The following SHISA6 variants were observed in gnomAD, a reference collection of about 807,000 sequenced individuals.
SHISA6 encodes the protein protein shisa-6.
SHISA6 carries 22 observed loss-of-function variants against 47.9 expected under a neutral mutation model. The ratio of observed to expected loss-of-function variants is 0.46; its 90% CI spans 0.33 to 0.66. The LOEUF is 0.66. Among genes scored for constraint, SHISA6 ranks in the 30% least tolerant of loss-of-function variants. SHISA6 has a pLI of 0.02. For missense variants in SHISA6, 680 were observed against 764.6 expected (o/e 0.89, Z 1.30); for synonymous variants, 388 against 337.8 (o/e 1.15, Z -1.63).
Position 11,557,875 on chromosome 17 carries a change from AC to A in SHISA6, c.1231del (p.Arg411AlafsTer82). The A allele has an allele frequency of 6.4e-7, 1 of 1,550,412 alleles. No individual in the cohort carries two copies. On this transcript the variant is annotated frameshift_variant, in exon 6 of 6. Coordinates refer to ENST00000441885, the MANE Select transcript of SHISA6 (RefSeq NM_207386.4). LOFTEE classifies it high-confidence loss of function. ...SQQKPLPRER[P>X]RRPIRAMSQD... ...AACAGAAGCCGTTGCCAAGGGAACG[AC>A]CCCGCCGGCCCATCCGGGCCATGTC...
At chr17:11,281,688 C>T (rs997114272) in intron 2 of SHISA6, among the ~76,000 whole-genome samples, 7 of 152,108 alleles carry the variant, frequency 4.6e-5, no homozygotes, top group African/African-American at 1.7e-4. Flanking sequence ...TTTTTTCTCT[C>T]AATTTTGTGG....
At chr17:11,290,967 A>G (rs934647297) in intron 2 of SHISA6, among the ~76,000 whole-genome samples, 1 of 151,602 alleles carries the variant, frequency 6.6e-6, no homozygotes, top group African/African-American at 2.4e-5. Context: ...GCTAGGTTCC[A>G]TTTATTATTA....
At chr17:11,495,421 C>G (rs1006724907) in intron 3 of SHISA6, among the ~76,000 whole-genome samples, 1 of 152,190 alleles carries the variant, frequency 6.6e-6, no homozygotes, top group Non-Finnish European at 1.5e-5. Flanking sequence ...ACTGGGGACA[C>G]TGGACAGGTG....
intron 3 of SHISA6, among the ~76,000 whole-genome samples, chr17:11,521,677 C>T (rs922359698): frequency 2.0e-5 from 3 of 152,052 alleles, no homozygotes; most frequent in Non-Finnish European, 4.4e-5. Flanking sequence ...ATGGCACGCA[C>T]CTGTAGTCCC....
At chr17:11,383,233 CA>C (rs1913080868) in intron 3 of SHISA6, among the ~76,000 whole-genome samples, 1 of 152,116 alleles carries the variant, frequency 6.6e-6, no homozygotes, top group African/African-American at 2.4e-5. Flanking sequence ...CCACCATGCC[CA>C]GCCCTGTCAG....
chr17:11,274,204 A>C (rs138736195), intron 2 of SHISA6, among the ~76,000 whole-genome samples: 221 of 152,244 alleles, frequency 1.5e-3, no homozygotes, highest in African/African-American at 4.9e-3. Flanking sequence ...GAGAGAGCCT[A>C]CTTTCCCCAC....
intron 1 of SHISA6, among the ~76,000 whole-genome samples, chr17:11,258,813 C>T (rs1047070421): frequency 2.0e-5 from 3 of 152,236 alleles, no homozygotes; most frequent in African/African-American, 7.2e-5. Flanking sequence ...AGTTCAGCCA[C>T]AGCTGAGTTC....
chr17:11,461,396 CAAAAAAAAAA>C (rs778616587), intron 3 of SHISA6, among the ~76,000 whole-genome samples: 1 of 76,644 alleles, frequency 1.3e-5, no homozygotes, highest in Non-Finnish European at 2.7e-5. Context: ...GACTCCATCT[CAAAAAAAAAA>C]AAAAAAAAAA....
At chr17:11,325,902 G>C (rs115378131) in intron 2 of SHISA6, among the ~76,000 whole-genome samples, 1,595 of 152,226 alleles carry the variant, frequency 0.01, 33 homozygotes, top group African/African-American at 0.036. Flanking sequence ...GGGGACAGCC[G>C]ATGTCTAATA....
At chr17:11,269,448 G>A (rs1207233257) in intron 2 of SHISA6, among the ~76,000 whole-genome samples, 1 of 152,170 alleles carries the variant, frequency 6.6e-6, no homozygotes, top group African/African-American at 2.4e-5. Context: ...TTCCATGGCT[G>A]GGCTCAGAGG....
At chr17:11,356,095 G>A (rs190644886) in intron 2 of SHISA6, among the ~76,000 whole-genome samples, 21 of 152,346 alleles carry the variant, frequency 1.4e-4, no homozygotes, top group Non-Finnish European at 2.6e-4. Context: ...TGCAAAGTTA[G>A]TTGTATGTAG....
intron 3 of SHISA6, among the ~76,000 whole-genome samples, chr17:11,440,523 A>G (rs1484059004): frequency 6.6e-6 from 1 of 151,342 alleles, no homozygotes; most frequent in Non-Finnish European, 1.5e-5. Context: ...TTTGGATCCA[A>G]ATAGCCTTAG....
At chr17:11,390,141 T>C (rs987500748) in intron 3 of SHISA6, among the ~76,000 whole-genome samples, 1 of 152,230 alleles carries the variant, frequency 6.6e-6, no homozygotes, top group South Asian at 2.1e-4. Context: ...AGCCTCAGTC[T>C]TACTCCACTC....
chr17:11,390,256 T>C (rs553626087), intron 3 of SHISA6, among the ~76,000 whole-genome samples: 1 of 152,322 alleles, frequency 6.6e-6, no homozygotes, highest in South Asian at 2.1e-4. Context: ...CTAACCTTGC[T>C]AGCTGTGTGA....
Position 11,241,665 on chromosome 17 carries a change from G to A in SHISA6, c.243G>A (p.Val81=). Residue 81 remains valine (V), a synonymous_variant, in exon 1 of 6, where the codon GTG becomes GTA. Coordinates refer to ENST00000441885, the MANE Select transcript of SHISA6 (RefSeq NM_207386.4). This position sits in a 1 kb window ranked among gnomAD's most constrained non-coding sequence, Gnocchi z 5.5. ...GGCGGGGGCAGCCCGCGGCGGCTGT[G>A]GCGGCGGCGGCCAGCGCGGCCGTCA... ...GSRRGQPAAA[V]AAAASAAVTY... 6.9e-7 allele frequency: 1 copy of A among 1,458,060 alleles called. No individual in the cohort carries two copies. Among genetic ancestry groups the A allele is most frequent in the Non-Finnish European group, 9.0e-7 (1 of 1,111,338 alleles). The allele number at this position is 1,458,060 out of a possible 1,614,324, so 90.3% of individuals were successfully genotyped here. A position where few individuals can be genotyped will look rare whatever the true frequency, so the allele number is the denominator to read the frequency against.
intron 3 of SHISA6, among the ~76,000 whole-genome samples, chr17:11,453,022 G>A (rs1398521951): frequency 6.7e-6 from 1 of 149,238 alleles, no homozygotes; most frequent in Non-Finnish European, 1.5e-5. Flanking sequence ...CCGGATCCAG[G>A]TCTTTGGAAA....
At chr17:11,509,084 T>A (rs1234645686) in intron 3 of SHISA6, among the ~76,000 whole-genome samples, 1 of 152,190 alleles carries the variant, frequency 6.6e-6, no homozygotes, top group Non-Finnish European at 1.5e-5. Context: ...GCTCTCAGAA[T>A]CATCAGGGAG....
chr17:11,449,096 A>G (rs1480120134), intron 3 of SHISA6, among the ~76,000 whole-genome samples: 1 of 152,174 alleles, frequency 6.6e-6, no homozygotes, highest in African/African-American at 2.4e-5. Context: ...AGGTACATGA[A>G]GCATTGACAT....
intron 3 of SHISA6, among the ~76,000 whole-genome samples, chr17:11,412,739 G>A (rs2142274207): frequency 6.6e-6 from 1 of 152,090 alleles, no homozygotes; most frequent in South Asian, 2.1e-4. Flanking sequence ...GACGGGGGAA[G>A]AACACTTAGA....
Sources: allele counts gnomAD v4.1 joint callset (sites outside exome capture counted in the v4.1 genomes callset), GRCh38; gene constraint gnomAD v4.1.1; non-coding constraint Gnocchi (gnomAD v3.1); transcripts MANE v1.5; gene names NCBI Gene and HGNC (gene_info 2026-07-23, HGNC 2026-07-21).